The following LYPD6B variants were observed in gnomAD, a reference collection of about 807,000 sequenced individuals.
LYPD6B encodes the protein LY6/PLAUR domain containing 6B.
In LYPD6B, 17 loss-of-function variants were observed where a neutral mutation model predicts 22.8. The ratio of observed to expected loss-of-function variants is 0.75; its 90% confidence interval spans 0.51 to 1.12. LYPD6B has a LOEUF of 1.12. Ranked by LOEUF, LYPD6B falls within the 50% of genes most tolerant of loss-of-function variation. LYPD6B has a pLI of 0.00. For synonymous variants in LYPD6B, 106 were observed against 91.6 expected (o/e 1.16, Z -0.90); for missense variants, 221 against 258.3 (o/e 0.86, Z 0.99).
chr2:149,063,072 A>G (rs1216428948), intron 1 of LYPD6B, among the ~76,000 whole-genome samples: 1 of 151,974 alleles, frequency 6.6e-6, no homozygotes, highest in Admixed American at 6.6e-5. Flanking sequence ...TCAGGAACTT[A>G]TATCTTAATG....
intron 1 of LYPD6B, among the ~76,000 whole-genome samples, chr2:149,083,202 C>T (rs924794591): frequency 6.6e-6 from 1 of 152,228 alleles, no homozygotes; most frequent in African/African-American, 2.4e-5. Context: ...ATACAGTTAG[C>T]ATTTTGCTGT....
intron 1 of LYPD6B, among the ~76,000 whole-genome samples, chr2:149,089,452 T>C (rs2105433532): frequency 6.6e-6 from 1 of 152,336 alleles, no homozygotes; most frequent in African/African-American, 2.4e-5. Flanking sequence ...CTCTATCTCA[T>C]AGCTAAGCTC....
intron 2 of LYPD6B, among the ~76,000 whole-genome samples, chr2:149,149,974 G>A (rs1689267767): frequency 6.6e-6 from 1 of 152,088 alleles, no homozygotes; most frequent in Admixed American, 6.5e-5. Flanking sequence ...TTATCAGTTT[G>A]GGATGTTATC....
chr2:149,080,805 G>A (rs925207230), intron 1 of LYPD6B, among the ~76,000 whole-genome samples: 4 of 124,950 alleles, frequency 3.2e-5, no homozygotes, highest in Non-Finnish European at 6.2e-5. Flanking sequence ...TCGTGCCACT[G>A]CACTCCAGCC....
At chr2:149,065,593 CAA>C (rs1379471974) in intron 1 of LYPD6B, among the ~76,000 whole-genome samples, 1 of 152,222 alleles carries the variant, frequency 6.6e-6, no homozygotes, top group Non-Finnish European at 1.5e-5. Context: ...CCTGGTTACT[CAA>C]AGTGAGCCTG....
At chr2:149,156,864 A>G (rs1559038896) in intron 2 of LYPD6B, among the ~76,000 whole-genome samples, 1 of 152,096 alleles carries the variant, frequency 6.6e-6, no homozygotes, top group Admixed American at 6.5e-5. Context: ...AACTGATAAA[A>G]CTTGATTGCC....
chr2:149,180,290 A>C (rs1381155525), intron 3 of LYPD6B, among the ~76,000 whole-genome samples: 1 of 152,146 alleles, frequency 6.6e-6, no homozygotes, highest in Non-Finnish European at 1.5e-5. Context: ...GCAGTGAAGG[A>C]GCTGGTACAA....
intron 1 of LYPD6B, among the ~76,000 whole-genome samples, chr2:149,071,841 A>C (rs1684618860): frequency 6.6e-6 from 1 of 152,188 alleles, no homozygotes; most frequent in African/African-American, 2.4e-5. Context: ...AAAGATTGGG[A>C]GGCAAATGGC....
chr2:149,190,186 A>C (rs1462756920), intron 3 of LYPD6B, among the ~76,000 whole-genome samples: 1 of 152,220 alleles, frequency 6.6e-6, no homozygotes, highest in East Asian at 1.9e-4. Flanking sequence ...AAACACATAT[A>C]GTGTTTTTCA....
intron 1 of LYPD6B, among the ~76,000 whole-genome samples, chr2:149,046,600 C>A (rs1234193516): frequency 6.6e-6 from 1 of 152,074 alleles, no homozygotes; most frequent in Non-Finnish European, 1.5e-5. Context: ...GTACCCTCGA[C>A]CTCCTGGTCT....
chr2:149,068,305 C>T (rs1051530910), intron 1 of LYPD6B, among the ~76,000 whole-genome samples: 2 of 152,032 alleles, frequency 1.3e-5, no homozygotes, highest in African/African-American at 2.4e-5. Flanking sequence ...CTTATGTCCA[C>T]GAGTTAGACT....
chr2:149,074,235 C>T (rs927011696), intron 1 of LYPD6B, among the ~76,000 whole-genome samples: 1 of 150,810 alleles, frequency 6.6e-6, no homozygotes, highest in Non-Finnish European at 1.5e-5. Flanking sequence ...TTTGTGATGG[C>T]ACACGTGCAC....
intron 1 of LYPD6B, among the ~76,000 whole-genome samples, chr2:149,104,060 G>A (rs1336272509): frequency 2.6e-5 from 4 of 152,024 alleles, no homozygotes; most frequent in African/African-American, 7.2e-5. Flanking sequence ...TTACAGGTGT[G>A]AGCCACCGCA....
chr2:149,208,454 A>G lies in LYPD6B; in HGVS notation c.328+42A>G, dbSNP rs1373134512. On this transcript the variant is annotated intron_variant, in intron 5 of 6. Coordinates refer to ENST00000409642, the MANE Select transcript of LYPD6B (RefSeq NM_177964.5). The stretch of plus-strand genomic sequence containing the variant: ...TGGAAGACTTCTGTGATCTCATTTC[A>G]TTTGAATCTCTCCTGACTTGATGAT... The G allele has an allele frequency of 2.1e-6, 3 of 1,422,032 alleles. No homozygotes were observed. In the Admixed American group the frequency reaches 5.0e-5, roughly 24 times the overall value. 88.1% of individuals were successfully genotyped at this position (1,422,032 alleles called of 1,614,324 possible). A position where few individuals can be genotyped will look rare whatever the true frequency, so the allele number is the denominator to read the frequency against.
chr2:149,112,577 T>G (rs984056075), intron 1 of LYPD6B, among the ~76,000 whole-genome samples: 2 of 152,170 alleles, frequency 1.3e-5, no homozygotes, highest in African/African-American at 4.8e-5. Flanking sequence ...ATACATCCCT[T>G]AATGTCTCTC....
At chr2:149,188,270 C>T (rs1021473498) in intron 3 of LYPD6B, among the ~76,000 whole-genome samples, 2 of 152,152 alleles carry the variant, frequency 1.3e-5, no homozygotes, top group African/African-American at 2.4e-5. Context: ...AGTAGAGACT[C>T]AGAGGTGTCA....
intron 1 of LYPD6B, among the ~76,000 whole-genome samples, chr2:149,128,404 A>G (rs1687829364): frequency 2.0e-5 from 3 of 152,212 alleles, no homozygotes; most frequent in South Asian, 4.1e-4. Context: ...GACTTTAGGG[A>G]TACTTTCTGA....
chr2:149,047,596 C>A (rs530519173), intron 1 of LYPD6B, among the ~76,000 whole-genome samples: 2 of 151,688 alleles, frequency 1.3e-5, no homozygotes, highest in East Asian at 1.9e-4. Flanking sequence ...TGTATGCATG[C>A]GTGCACACTC....
intron 3 of LYPD6B, among the ~76,000 whole-genome samples, chr2:149,164,425 CT>C (rs1360941428): frequency 6.6e-6 from 1 of 152,124 alleles, no homozygotes; most frequent in Non-Finnish European, 1.5e-5. Context: ...ATGATTGGTT[CT>C]GACTGGCTCC....
Sources: gnomAD v4.1 joint callset for allele counts (sites outside exome capture counted in the v4.1 genomes callset) on GRCh38, gnomAD v4.1.1 for gene constraint, MANE v1.5 for transcripts, NCBI Gene and HGNC (gene_info 2026-07-23, HGNC 2026-07-21) for gene names.